Variants in RASAL2 observed in about 807,000 individuals in gnomAD.
The protein encoded by RASAL2 is RAS protein activator like 2.
In RASAL2, 58 loss-of-function variants were observed where a neutral mutation model predicts 128.9. That is an observed-to-expected ratio of 0.45 (90% CI 0.36 to 0.56). RASAL2 has a LOEUF of 0.56. RASAL2 is among the 20% of genes least tolerant of loss of function. The pLI, the probability that RASAL2 is intolerant of heterozygous loss-of-function variation, is 0.00. For missense variants in RASAL2, 1,360 were observed against 1,601.6 expected (o/e 0.85, Z 2.57); for synonymous variants, 561 against 580.8 (o/e 0.97, Z 0.49).
At chr1:178,164,375 A>G (rs1409386920) in intron 1 of RASAL2, among the ~76,000 whole-genome samples, 2 of 152,110 alleles carry the variant, frequency 1.3e-5, no homozygotes, top group African/African-American at 2.4e-5. Flanking sequence ...TCTAATTCCT[A>G]TTATTGAAAA....
intron 3 of RASAL2, among the ~76,000 whole-genome samples, chr1:178,319,721 T>C (rs1172388923): frequency 6.6e-6 from 1 of 151,836 alleles, no homozygotes; most frequent in East Asian, 1.9e-4. Flanking sequence ...GTTTTCAACT[T>C]CTTTGCCTTT....
At chr1:178,338,047 A>G (rs747863880) in intron 3 of RASAL2, among the ~76,000 whole-genome samples, 1 of 150,900 alleles carries the variant, frequency 6.6e-6, no homozygotes, top group Non-Finnish European at 1.5e-5. Flanking sequence ...TTTTAATTAT[A>G]TACAGCTAGC....
At chr1:178,379,010 A>C (rs1672139023) in intron 3 of RASAL2, among the ~76,000 whole-genome samples, 1 of 152,160 alleles carries the variant, frequency 6.6e-6, no homozygotes, top group Non-Finnish European at 1.5e-5. Context: ...TGAAACCGAC[A>C]AGATTTGCTA....
At chr1:178,458,621 G>A in intron 14 of RASAL2, 77 bp downstream of exon 14, 2 of 1,480,166 alleles carry the variant, frequency 1.4e-6, no homozygotes, top group Middle Eastern at 2.3e-4. Flanking sequence ...TAAATCATTG[G>A]GAAATCCTAT....
intron 1 of RASAL2, among the ~76,000 whole-genome samples, chr1:178,124,243 G>A (rs1174660131): frequency 6.6e-6 from 1 of 152,186 alleles, no homozygotes. Flanking sequence ...AATCCTTAGA[G>A]TGGTAGTTCT....
At chr1:178,472,268 T>C (rs1479259586) in intron 17 of RASAL2, among the ~76,000 whole-genome samples, 2 of 152,232 alleles carry the variant, frequency 1.3e-5, no homozygotes, top group African/African-American at 4.8e-5. Context: ...TTTTTGTGTG[T>C]GTGTATTCAC....
chr1:178,242,589 A>G lies in RASAL2; in HGVS notation c.203-40975A>G, dbSNP rs533144895. Among the ~76,000 whole-genome samples, 14 of 151,816 alleles carry G rather than the reference A, an allele frequency of 9.2e-5. No homozygotes were observed. In the South Asian group the frequency reaches 1.7e-3, roughly 18 times the overall value. On this transcript the variant is annotated intron_variant, in intron 1 of 17. Transcript: ENST00000367649. ...ATGGGATTATAAGTGTGAGCCACCA[A>G]TGCCTGGCCCACTTACATTCTTGAA...
intron 1 of RASAL2, among the ~76,000 whole-genome samples, chr1:178,259,216 C>T (rs1032906812): frequency 6.1e-5 from 9 of 148,534 alleles, no homozygotes; most frequent in East Asian, 5.9e-4. Flanking sequence ...CTGCAAGCTC[C>T]GCCTCCCAGG....
chr1:178,428,804 C>A (rs1024723550), intron 5 of RASAL2, among the ~76,000 whole-genome samples: 1 of 151,984 alleles, frequency 6.6e-6, no homozygotes, highest in Non-Finnish European at 1.5e-5. Flanking sequence ...CTTGCCCCAG[C>A]CAAACCAGTT....
intron 1 of RASAL2, among the ~76,000 whole-genome samples, chr1:178,241,702 G>T (rs1286588274): frequency 2.0e-5 from 3 of 152,192 alleles, no homozygotes; most frequent in Admixed American, 1.3e-4. Flanking sequence ...GTGCAAAGGT[G>T]TGCAGATGAC....
chr1:178,239,849 C>T (rs960511945), intron 1 of RASAL2, among the ~76,000 whole-genome samples: 13 of 151,956 alleles, frequency 8.6e-5, no homozygotes, highest in Admixed American at 3.3e-4. Flanking sequence ...AACCATGGTT[C>T]TTAAAGCTTG....
intron 3 of RASAL2, among the ~76,000 whole-genome samples, chr1:178,361,034 T>A (rs1671079128): frequency 6.6e-6 from 1 of 152,234 alleles, no homozygotes; most frequent in African/African-American, 2.4e-5. Flanking sequence ...ATGAGCTTCT[T>A]GAGAACAAAT....
intron 1 of RASAL2, among the ~76,000 whole-genome samples, chr1:178,236,756 CTT>C (rs549848632): frequency 0.092 from 10,723 of 116,368 alleles, 206 homozygotes; most frequent in African/African-American, 0.15. Flanking sequence ...TTGGACACTA[CTT>C]TTTTTTTTTT....
intron 1 of RASAL2, among the ~76,000 whole-genome samples, chr1:178,159,663 T>C (rs1031101867): frequency 6.6e-6 from 1 of 152,146 alleles, no homozygotes; most frequent in Admixed American, 6.6e-5. Flanking sequence ...GTGCGGTGAC[T>C]CATGCCTGTA....
At chr1:178,302,743 G>A (rs1667819811) in intron 3 of RASAL2, among the ~76,000 whole-genome samples, 2 of 152,242 alleles carry the variant, frequency 1.3e-5, no homozygotes, top group South Asian at 4.2e-4. Flanking sequence ...ATTAAGATCT[G>A]TTTAAAAAGT....
chr1:178,465,820 AAAAG>A (rs1440152741), intron 15 of RASAL2, 96 bp from the exon 16 acceptor site: 5 of 1,140,104 alleles, frequency 4.4e-6, no homozygotes, highest in Non-Finnish European at 6.1e-6. Context: ...AGAAAAAAGA[AAAAG>A]AAAAAAAGAA....
chr1:178,342,921 C>T (rs1033164379), intron 3 of RASAL2, among the ~76,000 whole-genome samples: 3 of 152,146 alleles, frequency 2.0e-5, no homozygotes, highest in Non-Finnish European at 2.9e-5. Flanking sequence ...TCTTGAGAGC[C>T]GCAACAGACA....
At chr1:178,275,099 T>G (rs1025728470) in intron 1 of RASAL2, among the ~76,000 whole-genome samples, 1 of 152,246 alleles carries the variant, frequency 6.6e-6, no homozygotes, top group Non-Finnish European at 1.5e-5. Context: ...CTCATCTTAC[T>G]GCTGGCACCA....
At chr1:178,341,725 A>G (rs1669893260) in intron 3 of RASAL2, 3 of 1,459,148 alleles carry the variant, frequency 2.1e-6, no homozygotes, top group Admixed American at 1.9e-5. Context: ...TTGGCTTTAA[A>G]AAAATAGGTT....
Sources: gnomAD v4.1 joint callset for allele counts (sites outside exome capture counted in the v4.1 genomes callset) on GRCh38, gnomAD v4.1.1 for gene constraint, MANE v1.5 for transcripts, NCBI Gene and HGNC (gene_info 2026-07-23, HGNC 2026-07-21) for gene names.